The following APBB1IP variants were observed in gnomAD, a reference collection of about 807,000 sequenced individuals.
APBB1IP encodes amyloid beta A4 precursor protein-binding family B member 1-interacting protein.
APBB1IP carries 27 observed loss-of-function variants against 64.9 expected under a neutral mutation model. That is an observed-to-expected ratio of 0.42 (90% CI 0.31 to 0.57). The LOEUF (loss-of-function observed/expected upper bound fraction) is 0.57. Ranked by LOEUF, APBB1IP falls within the 20% of genes least tolerant of loss-of-function variation. The pLI is 0.20. For synonymous variants in APBB1IP, 392 were observed against 331.0 expected (o/e 1.18, Z -2.00); for missense variants, 812 against 845.5 (o/e 0.96, Z 0.49).
chr10:26,560,756 C>T lies in APBB1IP; in HGVS notation c.1281C>T (p.Tyr427=), dbSNP rs1588620547. 2.5e-6 allele frequency: 4 copies of T among 1,603,620 alleles called. No homozygotes were observed. Among genetic ancestry groups the T allele is most frequent in the Non-Finnish European group, 3.4e-6 (4 of 1,174,506 alleles). Residue 427 remains tyrosine (Y), a synonymous_variant, in exon 13 of 15, where the codon TAC becomes TAT. Transcript: ENST00000376236. ...ATGGGAAGACTCTCTATGATAACTA[C>T]CAGCGGGCTGTGGCAAAGGCTGGAC... ...AKYGKTLYDN[Y]QRAVAKAGLA...
chr10:26,482,530 G>A (rs1040396733), intron 2 of APBB1IP, among the ~76,000 whole-genome samples: 20 of 152,084 alleles, frequency 1.3e-4, no homozygotes, highest in African/African-American at 3.9e-4. Context: ...CAGCATTTGC[G>A]AGCATCCGAA....
chr10:26,550,290 ATCTT>A (rs1396503994), intron 11 of APBB1IP, among the ~76,000 whole-genome samples: 2 of 151,820 alleles, frequency 1.3e-5, no homozygotes. Context: ...GGATATTTGT[ATCTT>A]TCTTCTGATT....
At chr10:26,487,645 G>A (rs769094171) in intron 2 of APBB1IP, among the ~76,000 whole-genome samples, 4 of 152,082 alleles carry the variant, frequency 2.6e-5, no homozygotes, top group Non-Finnish European at 5.9e-5. Context: ...TCACGAGAAC[G>A]CGCTGTTGTT....
chr10:26,525,306 T>C (rs114422023), intron 8 of APBB1IP, among the ~76,000 whole-genome samples: 2,161 of 151,862 alleles, frequency 0.014, 40 homozygotes, highest in African/African-American at 0.049. Flanking sequence ...AAGCTCAGAG[T>C]TCAGTCTTCT....
intron 5 of APBB1IP, chr10:26,501,343 A>T: frequency 7.0e-6 from 4 of 571,720 alleles, no homozygotes; most frequent in Non-Finnish European, 1.2e-5. Flanking sequence ...TAGTTTGCTT[A>T]AAAAATATTT....
intron 10 of APBB1IP, among the ~76,000 whole-genome samples, chr10:26,541,373 G>T (rs533310052): frequency 1.3e-5 from 2 of 151,984 alleles, no homozygotes; most frequent in Non-Finnish European, 2.9e-5. Flanking sequence ...TTACTAAATT[G>T]TCCCCCAACT....
At chr10:26,494,015 T>C (rs1835990218) in intron 3 of APBB1IP, among the ~76,000 whole-genome samples, 1 of 152,024 alleles carries the variant, frequency 6.6e-6, no homozygotes, top group African/African-American at 2.4e-5. Context: ...TTTTTTTTTC[T>C]TTTATAGAGA....
At chr10:26,447,279 G>A (rs763846266) in intron 2 of APBB1IP, among the ~76,000 whole-genome samples, 51 of 149,852 alleles carry the variant, frequency 3.4e-4, no homozygotes, top group Non-Finnish European at 5.3e-4. Context: ...GGAGGCTGAG[G>A]CAGGAGAGTG....
intron 8 of APBB1IP, among the ~76,000 whole-genome samples, chr10:26,521,736 T>C (rs1374113938): frequency 6.6e-6 from 1 of 152,050 alleles, no homozygotes; most frequent in Admixed American, 6.6e-5. Flanking sequence ...TCATCACAAG[T>C]TTATTTATTA....
chr10:26,522,185 C>A (rs770265441), intron 8 of APBB1IP, among the ~76,000 whole-genome samples: 4 of 143,812 alleles, frequency 2.8e-5, no homozygotes, highest in Non-Finnish European at 6.1e-5. Flanking sequence ...TTAAGAAGCA[C>A]ATGAATAAGT....
At chr10:26,551,271 A>G (rs1332025653) in intron 11 of APBB1IP, among the ~76,000 whole-genome samples, 1 of 152,198 alleles carries the variant, frequency 6.6e-6, no homozygotes, top group Non-Finnish European at 1.5e-5. Context: ...CCATAGGCCC[A>G]TGCAGAAGCA....
chr10:26,539,861 G>A (rs141426285), intron 10 of APBB1IP, among the ~76,000 whole-genome samples: 7 of 152,270 alleles, frequency 4.6e-5, no homozygotes, highest in African/African-American at 7.2e-5. Context: ...AAGTTGCTCC[G>A]TCTCATTACT....
rs373271925 is a variant in APBB1IP at position 26,477,874 on chromosome 10, C to A, written c.1-14453C>A. Among the ~76,000 whole-genome samples the A allele has an allele frequency of 1.6e-4, 25 of 152,284 alleles. No individual in the cohort carries two copies. In the East Asian group the frequency reaches 4.2e-3, roughly 26 times the overall value. On this transcript the variant is annotated intron_variant, in intron 2 of 14. Coordinates refer to ENST00000376236, the MANE Select transcript of APBB1IP (RefSeq NM_019043.4). ...GCCTCTCAAGTAGCTAGGTGCATGC[C>A]ACCACATCCAACTAACTTTTTAAAA...
At position 26,543,748 on chromosome 10, in the gene APBB1IP, G is replaced by A. The variant is rs186113140; in HGVS notation, c.1155+2056G>A. 4.6e-5 allele frequency among the ~76,000 whole-genome samples: 7 copies of A among 152,260 alleles called. No individual in the cohort carries two copies. The East Asian group carries it at 1.4e-3, about 29-fold the overall frequency. ...GCTGGGGCCAGGGCTCCTTTGGATGGGGTGTTCACAGAGAGGCTCTCTAGG... is the reference window on the plus strand; with the variant it reads ...GCTGGGGCCAGGGCTCCTTTGGATGAGGTGTTCACAGAGAGGCTCTCTAGG... On this transcript the variant is annotated intron_variant, in intron 11 of 14. Coordinates refer to ENST00000376236, the MANE Select transcript of APBB1IP (RefSeq NM_019043.4).
chr10:26,442,539 C>T lies in APBB1IP; in HGVS notation c.-1+3686C>T, dbSNP rs76589589. Among the ~76,000 whole-genome samples, 898 of 152,196 alleles carry T rather than the reference C, an allele frequency of 5.9e-3. 26 individuals carry two copies. The highest frequency in any genetic ancestry group is 0.041 in the East Asian group (215 of 5,184). On this transcript the variant is annotated intron_variant, in intron 2 of 14. Transcript: ENST00000376236. ...ACACAGCAACTGTGTTTCCCCAAACCGACTGGAGGGTTTGCATCCAGAGAG... is the reference window on the plus strand; with the variant it reads ...ACACAGCAACTGTGTTTCCCCAAACTGACTGGAGGGTTTGCATCCAGAGAG...
chr10:26,563,229 T>C (rs983416509), intron 14 of APBB1IP, among the ~76,000 whole-genome samples: 1 of 152,158 alleles, frequency 6.6e-6, no homozygotes. Context: ...GGTGAGCACC[T>C]GTAGTCCCAA....
intron 11 of APBB1IP, among the ~76,000 whole-genome samples, chr10:26,545,676 C>T (rs868487989): frequency 2.6e-5 from 4 of 151,810 alleles, no homozygotes; most frequent in East Asian, 1.9e-4. Context: ...AGGAGAATGG[C>T]GTGAACCCGG....
rs77641909 is a variant in APBB1IP at position 26,489,333 on chromosome 10, G to A, written c.1-2994G>A. Among the ~76,000 whole-genome samples, 463 of 152,308 alleles carry A rather than the reference G, an allele frequency of 3.0e-3. 3 individuals are homozygous for A. Among genetic ancestry groups the A allele is most frequent in the African/African-American group, 9.7e-3 (405 of 41,560 alleles). ...GAAAATGTTCTCAGTCCTGTTTGGC[G>A]AGGGTGATAAGGTTATGTAGGAGAA... On this transcript the variant is annotated intron_variant, in intron 2 of 14. Coordinates refer to ENST00000376236, the MANE Select transcript of APBB1IP (RefSeq NM_019043.4).
intron 2 of APBB1IP, among the ~76,000 whole-genome samples, chr10:26,442,235 T>C (rs1589186573): frequency 6.6e-6 from 1 of 152,348 alleles, no homozygotes. Flanking sequence ...ACTTATCGTG[T>C]TATCATGGGA....
Sources: gnomAD v4.1 joint callset for allele counts (sites outside exome capture counted in the v4.1 genomes callset) on GRCh38, gnomAD v4.1.1 for gene constraint, MANE v1.5 for transcripts, NCBI Gene and HGNC (gene_info 2026-07-23, HGNC 2026-07-21) for gene names.